The following PJA2 variants were observed in gnomAD, a reference collection of about 807,000 sequenced individuals.
PJA2 encodes the protein E3 ubiquitin-protein ligase Praja-2.
PJA2 carries 25 observed loss-of-function variants against 69.3 expected under a neutral mutation model. The ratio of observed to expected loss-of-function variants is 0.36; its 90% CI spans 0.26 to 0.50. The LOEUF is 0.50. Ranked by LOEUF, PJA2 falls within the 20% of genes least tolerant of loss-of-function variation. The pLI is 0.96. For missense variants in PJA2, 809 were observed against 830.2 expected (o/e 0.97, Z 0.31); for synonymous variants, 308 against 277.8 (o/e 1.11, Z -1.08).
chr5:109,354,493 T>TG (rs1561346476), intron 7 of PJA2, among the ~76,000 whole-genome samples: 1 of 116,224 alleles, frequency 8.6e-6, no homozygotes. Context: ...TAGATATCTA[T>TG]AATATCATAG....
intron 6 of PJA2, among the ~76,000 whole-genome samples, chr5:109,360,998 G>A (rs1198445410): frequency 1.3e-5 from 2 of 152,010 alleles, no homozygotes; most frequent in African/African-American, 4.8e-5. Context: ...TGTGGTGGCA[G>A]GCGCCTGTAA....
intron 7 of PJA2, among the ~76,000 whole-genome samples, chr5:109,354,452 ATATC>A (rs1376991518): frequency 1.6e-5 from 2 of 126,742 alleles, no homozygotes; most frequent in Non-Finnish European, 3.4e-5. Context: ...TATAGATTAG[ATATC>A]TATGATATCT....
chr5:109,353,489 A>C (rs1762315539), intron 7 of PJA2, among the ~76,000 whole-genome samples: 1 of 101,042 alleles, frequency 9.9e-6, no homozygotes, highest in Admixed American at 1.1e-4. Flanking sequence ...CTAATATATT[A>C]GATATCTATA....
chr5:109,386,980 G>C (rs752542220), intron 1 of PJA2, among the ~76,000 whole-genome samples: 3 of 152,130 alleles, frequency 2.0e-5, no homozygotes, highest in Non-Finnish European at 4.4e-5. Flanking sequence ...TTTTAATTTA[G>C]AGACTCTTGT....
At chr5:109,381,044 G>T (rs1173122164) in intron 3 of PJA2, among the ~76,000 whole-genome samples, 1 of 151,592 alleles carries the variant, frequency 6.6e-6, no homozygotes, top group Non-Finnish European at 1.5e-5. Context: ...GAACCTGGGA[G>T]ATGGAGGTTG....
chr5:109,406,244 G>A (rs1430168203), intron 1 of PJA2, among the ~76,000 whole-genome samples: 1 of 152,118 alleles, frequency 6.6e-6, no homozygotes, highest in African/African-American at 2.4e-5. Flanking sequence ...GCTTCACCGT[G>A]TTAGCCAGGA....
chr5:109,354,491 TATA>T lies in PJA2; in HGVS notation c.1764+1421_1764+1423del, dbSNP rs556213625. Among the ~76,000 whole-genome samples, 86 of 126,100 alleles carry T rather than the reference TATA, an allele frequency of 6.8e-4. 2 individuals carry two copies. In the South Asian group the frequency reaches 0.012, roughly 18 times the overall value. The allele number at this position is 126,100 out of a possible 152,430, so 82.7% of individuals were successfully genotyped here. On this transcript the variant is annotated intron_variant, in intron 7 of 9. Transcript: ENST00000361189. The stretch of plus-strand genomic sequence containing the variant: ...TAGAGATATCTATAGATTAGATATC[TATA>T]ATATCATAGATATCTATATCGATAT...
At chr5:109,392,505 G>A (rs1460034878) in intron 1 of PJA2, among the ~76,000 whole-genome samples, 2 of 144,266 alleles carry the variant, frequency 1.4e-5, no homozygotes, top group African/African-American at 2.6e-5. Context: ...AGGTTGCAGT[G>A]AGCCAAGACT....
At position 109,344,720 on chromosome 5, in the gene PJA2, G is replaced by A; in HGVS notation, c.1864C>T (p.Leu622Phe). The change falls in exon 8 of 10, where the codon CTT (leucine) becomes TTT (phenylalanine). Residue 622 changes from leucine to phenylalanine, a missense_variant. Around this residue, in one of 4 missense-constraint regions of PJA2, gnomAD observed 55 missense variants for 90.7 expected, o/e 0.61. Transcript: ENST00000361189. ...SIDGLPETLVLEDHTAIGQEQ... is the reference protein window; with the variant it reads ...SIDGLPETLVFEDHTAIGQEQ... ...TTGCCCTTACCAGTGTGATCTTCAA[G>A]AACAAGGGTCTCTGGAAGACCATCA... 6.2e-7 allele frequency: 1 copy of A among 1,613,156 alleles called. No individual in the cohort carries two copies. Among genetic ancestry groups the A allele is most frequent in the Non-Finnish European group, 8.5e-7 (1 of 1,179,358 alleles).
At chr5:109,388,587 G>C (rs1018414203) in intron 1 of PJA2, among the ~76,000 whole-genome samples, 2 of 116,234 alleles carry the variant, frequency 1.7e-5, no homozygotes, top group Non-Finnish European at 3.8e-5. Flanking sequence ...CCAGAAGAAG[G>C]GTTTCAACTG....
At chr5:109,368,006 C>T (rs907124539) in intron 5 of PJA2, among the ~76,000 whole-genome samples, 3 of 152,180 alleles carry the variant, frequency 2.0e-5, no homozygotes, top group Non-Finnish European at 4.4e-5. Context: ...GTAGCTGCAA[C>T]AAAGACTGGA....
intron 7 of PJA2, among the ~76,000 whole-genome samples, chr5:109,353,785 G>GATATCTAGAGATATCTATAGATTAGATA (rs1762331311): frequency 2.3e-5 from 2 of 85,696 alleles, no homozygotes; most frequent in East Asian, 4.2e-4. Flanking sequence ...TAGATTAGAT[G>GATATCTAGAGATATCTATAGATTAGATA]TCTATGATAT....
intron 1 of PJA2, among the ~76,000 whole-genome samples, chr5:109,383,840 T>C (rs557477384): frequency 1.4e-4 from 21 of 152,220 alleles, no homozygotes; most frequent in Non-Finnish European, 2.1e-4. Flanking sequence ...GGTGGGAGGA[T>C]TGCTTGAGCC....
At chr5:109,357,191 T>C (rs570979079) in intron 6 of PJA2, among the ~76,000 whole-genome samples, 2 of 152,252 alleles carry the variant, frequency 1.3e-5, no homozygotes, top group Admixed American at 1.3e-4. Context: ...TACCACCTCT[T>C]AAGTCCAAGA....
intron 2 of PJA2, 67 bp downstream of exon 2, chr5:109,383,336 C>T (rs1292370765): frequency 2.1e-5 from 29 of 1,365,284 alleles, no homozygotes; most frequent in Non-Finnish European, 2.7e-5. Context: ...ATGTCACTTA[C>T]TGGTACTCAA....
intron 3 of PJA2, among the ~76,000 whole-genome samples, chr5:109,380,273 A>G (rs1441034707): frequency 6.6e-6 from 1 of 151,870 alleles, no homozygotes; most frequent in Non-Finnish European, 1.5e-5. Context: ...AGTAATTCAG[A>G]TTCTTACATA....
intron 7 of PJA2, among the ~76,000 whole-genome samples, chr5:109,354,779 TC>T (rs142854577): frequency 0.03 from 4,460 of 148,988 alleles, 95 homozygotes; most frequent in Non-Finnish European, 0.046. Flanking sequence ...ATTAAATATA[TC>T]AATATTAGAT....
chr5:109,361,829 C>G (rs1376857761), intron 6 of PJA2, among the ~76,000 whole-genome samples: 6 of 152,138 alleles, frequency 3.9e-5, no homozygotes, highest in Admixed American at 2.6e-4. Context: ...TTTTTTTCCC[C>G]CTTGGGGAGT....
At chr5:109,367,142 A>AT (rs1256614125) in intron 5 of PJA2, among the ~76,000 whole-genome samples, 1,713 of 146,056 alleles carry the variant, frequency 0.012, 15 homozygotes, top group Non-Finnish European at 0.018. Context: ...TCAAAAAAAA[A>AT]AATATATATA....
Sources: gnomAD v4.1 joint callset for allele counts (sites outside exome capture counted in the v4.1 genomes callset) on GRCh38, gnomAD v4.1.1 for gene constraint, gnomAD v4.1.1 regional missense constraint, MANE v1.5 for transcripts, NCBI Gene and HGNC (gene_info 2026-07-23, HGNC 2026-07-21) for gene names.